TBC1D15: variants seen among roughly 807,000 people sequenced by gnomAD.
The protein encoded by TBC1D15 is TBC1 domain family member 15.
A neutral mutation model predicts 95.4 loss-of-function variants in TBC1D15; 39 were observed. The ratio of observed to expected loss-of-function variants is 0.41; its 90% confidence interval spans 0.32 to 0.53. TBC1D15 has a LOEUF of 0.53. TBC1D15 is among the 20% of genes least tolerant of loss of function. The pLI is 0.29. For synonymous variants in TBC1D15, 258 were observed against 261.3 expected (o/e 0.99, Z 0.12); for missense variants, 733 against 794.3 (o/e 0.92, Z 0.93).
intron 1 of TBC1D15, chr12:71,849,175 A>C (rs1029182407): frequency 1.8e-4 from 50 of 285,056 alleles, no homozygotes; most frequent in South Asian, 3.3e-4. Flanking sequence ...AAAAAAAAAA[A>C]AAACAAAAAA....
chr12:71,870,429 G>C (rs1048815494), intron 1 of TBC1D15, among the ~76,000 whole-genome samples: 1 of 152,016 alleles, frequency 6.6e-6, no homozygotes, highest in Non-Finnish European at 1.5e-5. Flanking sequence ...TTATATGCTG[G>C]TCTGATGCTT....
At chr12:71,849,640 C>A in intron 1 of TBC1D15, 1 of 580,580 alleles carries the variant, frequency 1.7e-6, no homozygotes, top group South Asian at 1.7e-5. Flanking sequence ...GAGACATCGT[C>A]AGCTAGTCGG....
At chr12:71,841,232 G>A (rs926760997) in intron 1 of TBC1D15, 1 of 152,074 alleles carries the variant, frequency 6.6e-6, no homozygotes, top group African/African-American at 2.4e-5. Flanking sequence ...CCTCTTTCAG[G>A]TTTGGATTGA....
chr12:71,861,320 G>T, intron 1 of TBC1D15: 1 of 536,242 alleles, frequency 1.9e-6, no homozygotes. Context: ...ATTCCACAGT[G>T]AAGCCATTGG....
Position 71,859,296 on chromosome 12 carries a change from A to T in TBC1D15, c.31-12774A>T, listed in dbSNP as rs545162387. ...TATTTGCCCATTTTGAAATTGGAGT[A>T]TTTTTTTTTCTGTTGAGGTTTTCGA... On this transcript the variant is annotated intron_variant, in intron 1 of 16. Transcript: ENST00000485960. 3.3e-3 allele frequency among the ~76,000 whole-genome samples: 499 copies of T among 150,378 alleles called. 1 individual carries two copies. The highest frequency in any genetic ancestry group is 0.012 in the African/African-American group (480 of 40,994).
At chr12:71,846,386 A>T (rs1886271796) in intron 1 of TBC1D15, among the ~76,000 whole-genome samples, 1 of 152,240 alleles carries the variant, frequency 6.6e-6, no homozygotes, top group Non-Finnish European at 1.5e-5. Flanking sequence ...TACACTTAGA[A>T]TATTCCTTCT....
chr12:71,916,484 A>C (rs1437129424), intron 12 of TBC1D15, among the ~76,000 whole-genome samples: 3 of 152,188 alleles, frequency 2.0e-5, no homozygotes, highest in Non-Finnish European at 2.9e-5. Flanking sequence ...GTCTATTAAT[A>C]AACTGGTTTT....
At chr12:71,854,262 G>A (rs941405059) in intron 1 of TBC1D15, among the ~76,000 whole-genome samples, 3 of 152,134 alleles carry the variant, frequency 2.0e-5, no homozygotes, top group African/African-American at 7.2e-5. Context: ...AGTATTTTTA[G>A]TTTAGTTTAT....
intron 6 of TBC1D15, chr12:71,894,402 T>C (rs1304596358): frequency 1.2e-6 from 2 of 1,610,034 alleles, no homozygotes; most frequent in Non-Finnish European, 1.7e-6. Flanking sequence ...TTTTCTGATG[T>C]ATGCAGATTG....
At chr12:71,899,592 T>G (rs906125329) in intron 10 of TBC1D15, among the ~76,000 whole-genome samples, 1 of 152,228 alleles carries the variant, frequency 6.6e-6, no homozygotes, top group African/African-American at 2.4e-5. Context: ...CGCAGTAAGC[T>G]TTAGGTCTTG....
intron 4 of TBC1D15, 71 bp from the exon 5 acceptor site, chr12:71,884,740 C>G: frequency 7.0e-7 from 1 of 1,433,556 alleles, no homozygotes; most frequent in Non-Finnish European, 9.7e-7. Context: ...GTTAGGCAGT[C>G]ATGGAGAGCA....
At chr12:71,915,716 G>C (rs2139043437) in intron 12 of TBC1D15, among the ~76,000 whole-genome samples, 1 of 152,116 alleles carries the variant, frequency 6.6e-6, no homozygotes, top group Middle Eastern at 3.4e-3. Flanking sequence ...AATGCTCTCT[G>C]TGTTTGCCTT....
intron 11 of TBC1D15, among the ~76,000 whole-genome samples, chr12:71,910,618 G>A (rs1388013943): frequency 2.0e-5 from 3 of 151,908 alleles, no homozygotes; most frequent in Non-Finnish European, 2.9e-5. Flanking sequence ...TATTCTCTTT[G>A]AAGCAATTGT....
chr12:71,870,988 T>C (rs903264428), intron 1 of TBC1D15, among the ~76,000 whole-genome samples: 52 of 152,180 alleles, frequency 3.4e-4, no homozygotes, highest in Non-Finnish European at 1.8e-4. Context: ...TAGAATAATA[T>C]ACACTATTGA....
At chr12:71,888,864 T>C (rs1252966390) in intron 5 of TBC1D15, among the ~76,000 whole-genome samples, 1 of 151,324 alleles carries the variant, frequency 6.6e-6, no homozygotes, top group Non-Finnish European at 1.5e-5. Flanking sequence ...TTTTTTTTCA[T>C]TTAATTCAAG....
chr12:71,895,156 G>A (rs1897918947), intron 7 of TBC1D15, among the ~76,000 whole-genome samples: 1 of 152,006 alleles, frequency 6.6e-6, no homozygotes, highest in East Asian at 1.9e-4. Flanking sequence ...GCAGAGTGAG[G>A]AGCGAACCTT....
chr12:71,905,188 A>G (rs1018339643), intron 10 of TBC1D15, among the ~76,000 whole-genome samples: 1 of 151,928 alleles, frequency 6.6e-6, no homozygotes, highest in Non-Finnish European at 1.5e-5. Context: ...GAGAATACAA[A>G]CAACTTTTTT....
chr12:71,900,781 G>A (rs1899202502), intron 10 of TBC1D15, among the ~76,000 whole-genome samples: 2 of 152,074 alleles, frequency 1.3e-5, no homozygotes, highest in Non-Finnish European at 2.9e-5. Flanking sequence ...AAGGAAAAGG[G>A]TTAGGATGTT....
At chr12:71,893,827 A>G (rs2138680495) in intron 6 of TBC1D15, among the ~76,000 whole-genome samples, 1 of 152,102 alleles carries the variant, frequency 6.6e-6, no homozygotes, top group East Asian at 1.9e-4. Context: ...TCAGATGACT[A>G]TGTAAAGTAA....
Sources: gnomAD v4.1 joint callset for allele counts (sites outside exome capture counted in the v4.1 genomes callset) on GRCh38, gnomAD v4.1.1 for gene constraint, MANE v1.5 for transcripts, NCBI Gene and HGNC (gene_info 2026-07-23, HGNC 2026-07-21) for gene names.